LRCH1: variants seen among roughly 807,000 people sequenced by gnomAD.
LRCH1 encodes leucine rich repeats and calponin homology domain containing 1, also known as leucine-rich repeat and calponin homology domain-containing protein 1.
Under a neutral mutation model 94.9 loss-of-function variants are expected in LRCH1, and 23 were observed. That is an observed-to-expected ratio of 0.24 (90% CI 0.17 to 0.34). LRCH1 has a LOEUF of 0.34. Ranked by LOEUF, LRCH1 falls within the 10% of genes least tolerant of loss-of-function variation. The probability of loss-of-function intolerance (pLI) is 1.00; values close to 1 mark genes in which losing one functional copy is unlikely to be tolerated. For synonymous variants in LRCH1, 364 were observed against 354.9 expected (o/e 1.03, Z -0.29); for missense variants, 790 against 945.9 (o/e 0.84, Z 2.16).
intron 16 of LRCH1, among the ~76,000 whole-genome samples, chr13:46,720,140 A>C (rs1403797379): frequency 6.6e-6 from 1 of 152,032 alleles, no homozygotes; most frequent in African/African-American, 2.4e-5. Context: ...TAATCCCAGC[A>C]CTTTGGGAGT....
At position 46,633,717 on chromosome 13, in the gene LRCH1, T is replaced by G. The variant is rs140019802; in HGVS notation, c.308-16484T>G. On this transcript the variant is annotated intron_variant, in intron 1 of 19. Transcript: ENST00000389797. Reference sequence around the variant, plus strand: ...TGTATGGATCTTCCAAGCCCGCATTTTAGCCAAGACATTTCTCATGGGCTC... The same window carrying G: ...TGTATGGATCTTCCAAGCCCGCATTGTAGCCAAGACATTTCTCATGGGCTC... Among the ~76,000 whole-genome samples, 237 of 152,248 alleles carry G rather than the reference T, an allele frequency of 1.6e-3. 1 individual carries two copies. The highest frequency in any genetic ancestry group is 5.2e-3 in the African/African-American group (218 of 41,528).
intron 4 of LRCH1, 90 bp downstream of exon 4, chr13:46,681,936 TTGTG>T (rs71077914): frequency 8.3e-4 from 435 of 524,534 alleles, no homozygotes; most frequent in African/African-American, 6.9e-3. Context: ...GGGTCGATCT[TTGTG>T]TGTGTGTGTG....
At chr13:46,563,986 C>T (rs1033092490) in intron 1 of LRCH1, among the ~76,000 whole-genome samples, 1 of 152,150 alleles carries the variant, frequency 6.6e-6, no homozygotes, top group African/African-American at 2.4e-5. Flanking sequence ...CCCACCCAAA[C>T]CAGCCAGGTT....
At position 46,650,785 on chromosome 13, in the gene LRCH1, G is replaced by A. The variant is rs142772491; in HGVS notation, c.452+440G>A. On this transcript the variant is annotated intron_variant, in intron 2 of 19. Transcript: ENST00000389797. Reference sequence around the variant, plus strand: ...CTTTGGCAATTATTGGTAACATTGGGCTTTGCTACCTAGTACTAATTGAGC... The same window carrying A: ...CTTTGGCAATTATTGGTAACATTGGACTTTGCTACCTAGTACTAATTGAGC... Among the ~76,000 whole-genome samples the A allele has an allele frequency of 4.1e-3, 614 of 151,366 alleles. 4 individuals are homozygous for A. The highest frequency in any genetic ancestry group is 0.014 in the African/African-American group (597 of 41,312).
intron 1 of LRCH1, among the ~76,000 whole-genome samples, chr13:46,594,552 C>T (rs894256928): frequency 6.6e-6 from 1 of 152,220 alleles, no homozygotes; most frequent in Admixed American, 6.5e-5. Context: ...CCTTGAGCTA[C>T]ACAGAATGTT....
intron 9 of LRCH1, among the ~76,000 whole-genome samples, chr13:46,697,519 T>C (rs537796645): frequency 1.2e-4 from 18 of 152,332 alleles, no homozygotes; most frequent in African/African-American, 4.3e-4. Context: ...TTCAGTACTA[T>C]GTCTGGGGCC....
intron 1 of LRCH1, among the ~76,000 whole-genome samples, chr13:46,642,766 G>T (rs1383286578): frequency 6.6e-6 from 1 of 152,198 alleles, no homozygotes; most frequent in Non-Finnish European, 1.5e-5. Flanking sequence ...GTGGAGGGTT[G>T]GTTTAGGTAG....
chr13:46,686,433 G>C (rs942981431), intron 5 of LRCH1, among the ~76,000 whole-genome samples: 7 of 152,106 alleles, frequency 4.6e-5, no homozygotes, highest in African/African-American at 1.7e-4. Context: ...TGCGATGGGG[G>C]GTCTTATGGC....
chr13:46,553,772 G>A, intron 1 of LRCH1, 69 bp downstream of exon 1: 1 of 1,573,138 alleles, frequency 6.4e-7, no homozygotes, highest in African/African-American at 1.4e-5. Flanking sequence ...GTTCCCTAAC[G>A]CGGTGGACAG....
In LRCH1 at chr13:46,697,920, A is replaced by C. The variant is rs543725349; in HGVS notation, c.1246-1416A>C. ...TACTATTGGCTACTTTTAGTTGTGA[A>C]ACAAAAAAATAAAAAGAAATACCCT... On this transcript the variant is annotated intron_variant, in intron 9 of 19. Coordinates refer to ENST00000389797, the MANE Select transcript of LRCH1 (RefSeq NM_001164211.2). Among the ~76,000 whole-genome samples the C allele has an allele frequency of 3.9e-5, 6 of 152,334 alleles. No individual in the cohort carries two copies. The South Asian group carries it at 1.2e-3, about 32-fold the overall frequency.
intron 13 of LRCH1, among the ~76,000 whole-genome samples, chr13:46,706,075 C>A (rs1441279150): frequency 6.6e-6 from 1 of 152,184 alleles, no homozygotes; most frequent in East Asian, 1.9e-4. Flanking sequence ...AGCGGTTTCA[C>A]GCTCTTAACT....
intron 17 of LRCH1, 87 bp from the exon 18 acceptor site, chr13:46,728,760 C>A: frequency 8.0e-7 from 1 of 1,244,830 alleles, no homozygotes; most frequent in South Asian, 2.1e-5. Context: ...AAATTAGTGC[C>A]TCAGTTCATA....
At chr13:46,672,292 G>C (rs998777840) in intron 3 of LRCH1, among the ~76,000 whole-genome samples, 1 of 151,076 alleles carries the variant, frequency 6.6e-6, no homozygotes, top group African/African-American at 2.4e-5. Flanking sequence ...GGGACATCTT[G>C]GTGGCTTGCA....
In LRCH1 at chr13:46,743,142, G is replaced by A. The variant is rs1272569459; in HGVS notation, c.*1294G>A. 2 of 985,258 alleles carry A rather than the reference G, an allele frequency of 2.0e-6. No homozygotes were observed. Among genetic ancestry groups the A allele is most frequent in the Non-Finnish European group, 1.2e-6 (1 of 829,902 alleles). The allele number at this position is 985,258 out of a possible 1,614,324, so 61.0% of individuals were successfully genotyped here. On this transcript the variant is annotated 3_prime_UTR_variant, in exon 20 of 20. Transcript: ENST00000389797. Reference sequence around the variant, plus strand: ...TTGTTTCTTAGCTTGGGGAGATGATGGACTTAGCTTCCTCAAGATAAATTT... The same window carrying A: ...TTGTTTCTTAGCTTGGGGAGATGATAGACTTAGCTTCCTCAAGATAAATTT...
At position 46,738,108 on chromosome 13, in the gene LRCH1, C is replaced by T. The variant is rs78383851; in HGVS notation, c.2086-3534C>T. 2.1e-3 allele frequency among the ~76,000 whole-genome samples: 313 copies of T among 152,252 alleles called. 1 individual carries two copies. Among genetic ancestry groups the T allele is most frequent in the African/African-American group, 7.2e-3 (298 of 41,562 alleles). ...TCTAAATGTTCAGTCCTTCATCTTC[C>T]TTACTGTTTCCAGAGAAAAGATAGA... On this transcript the variant is annotated intron_variant, in intron 19 of 19. Transcript: ENST00000389797.
intron 1 of LRCH1, among the ~76,000 whole-genome samples, chr13:46,623,702 T>TTC (rs1435952706): frequency 2.7e-5 from 4 of 150,404 alleles, no homozygotes; most frequent in African/African-American, 4.9e-5. Context: ...TGTTTTTTTT[T>TTC]TTTTTCTTTT....
chr13:46,643,896 A>G (rs563469819), intron 1 of LRCH1, among the ~76,000 whole-genome samples: 1 of 152,270 alleles, frequency 6.6e-6, no homozygotes, highest in African/African-American at 2.4e-5. Flanking sequence ...TTTTTTCAGT[A>G]CTTTCCTTTT....
rs896088487 is a variant in LRCH1, at chr13:46,687,938, C to T, written c.909C>T (p.His303=). 1.2e-6 allele frequency: 2 copies of T among 1,612,282 alleles called. No individual in the cohort carries two copies. Among genetic ancestry groups the T allele is most frequent in the Non-Finnish European group, 1.7e-6 (2 of 1,178,976 alleles). Residue 303 remains histidine (H), a synonymous_variant, in exon 6 of 20, where the codon CAC becomes CAT. Transcript: ENST00000389797. ...QIKTADSLYL[H]TMERPHLHQH... The stretch of plus-strand genomic sequence containing the variant: ...AGACAGCTGACTCCCTTTATCTCCA[C>T]ACCATGGAGAGGCCACATTTACACC...
chr13:46,703,781 G>A lies in LRCH1; in HGVS notation c.1401-1287G>A, dbSNP rs1429239362. On this transcript the variant is annotated intron_variant, in intron 11 of 19. Transcript: ENST00000389797. ...TAACTTTTTTAAAGTATGTAAAAAC[G>A]CACAATGTTTGGTCCCAATTATATA... 3.9e-5 allele frequency among the ~76,000 whole-genome samples: 6 copies of A among 151,948 alleles called. No individual in the cohort carries two copies. In the South Asian group the frequency reaches 6.2e-4, roughly 16 times the overall value.
Sources: gnomAD v4.1 joint callset for allele counts (sites outside exome capture counted in the v4.1 genomes callset) on GRCh38, gnomAD v4.1.1 for gene constraint, MANE v1.5 for transcripts, NCBI Gene and HGNC (gene_info 2026-07-23, HGNC 2026-07-21) for gene names.